EPHA6: variants seen among roughly 807,000 people sequenced by gnomAD.
The protein encoded by EPHA6 is EPH receptor A6, also known as ephrin type-A receptor 6.
EPHA6 carries 50 observed loss-of-function variants against 112.0 expected under a neutral mutation model. The observed-to-expected ratio is 0.45, with a 90% confidence interval of 0.36 to 0.56. The LOEUF (loss-of-function observed/expected upper bound fraction) is 0.56, where lower values mean the gene tolerates loss of function less well. Among genes scored for constraint, EPHA6 ranks in the 20% least tolerant of loss-of-function variants. EPHA6 has a pLI of 0.00. For synonymous variants in EPHA6, 529 were observed against 490.7 expected (o/e 1.08, Z -1.03); for missense variants, 1,280 against 1,417.4 (o/e 0.90, Z 1.56).
intron 14 of EPHA6, among the ~76,000 whole-genome samples, chr3:97,703,311 A>G (rs2033502060): frequency 6.6e-6 from 1 of 152,200 alleles, no homozygotes; most frequent in African/African-American, 2.4e-5. Flanking sequence ...TCCTCAAATG[A>G]AAGGAGCTTT....
chr3:97,187,381 T>A (rs1234376922), intron 3 of EPHA6, among the ~76,000 whole-genome samples: 1 of 151,480 alleles, frequency 6.6e-6, no homozygotes, highest in African/African-American at 2.4e-5. Flanking sequence ...ACCAACCTGG[T>A]CAATAAGGTG....
intron 5 of EPHA6, among the ~76,000 whole-genome samples, chr3:97,349,371 A>C (rs553148932): frequency 9.2e-5 from 14 of 152,160 alleles, no homozygotes; most frequent in African/African-American, 3.4e-4. Flanking sequence ...TGACAATTAC[A>C]ATCACCCATA....
chr3:97,722,556 C>A (rs969043638), intron 15 of EPHA6, among the ~76,000 whole-genome samples: 4 of 152,090 alleles, frequency 2.6e-5, no homozygotes, highest in African/African-American at 9.7e-5. Flanking sequence ...TGTTTACAGT[C>A]CATGTAGCTC....
At chr3:97,574,285 T>G (rs1418270024) in intron 11 of EPHA6, among the ~76,000 whole-genome samples, 1 of 152,070 alleles carries the variant, frequency 6.6e-6, no homozygotes, top group East Asian at 1.9e-4. Flanking sequence ...ATACCATAAG[T>G]GCTGTAATAT....
chr3:97,681,421 G>A (rs1482959518), intron 14 of EPHA6, among the ~76,000 whole-genome samples: 1 of 151,990 alleles, frequency 6.6e-6, no homozygotes, highest in Admixed American at 6.6e-5. Flanking sequence ...ATTGATAGAA[G>A]CATTATTTAT....
intron 11 of EPHA6, among the ~76,000 whole-genome samples, chr3:97,554,105 C>A (rs1463728351): frequency 6.6e-6 from 1 of 152,030 alleles, no homozygotes; most frequent in African/African-American, 2.4e-5. Flanking sequence ...CAATTTAGTT[C>A]TTTTTCAATA....
intron 5 of EPHA6, among the ~76,000 whole-genome samples, chr3:97,315,913 T>A (rs1015635266): frequency 6.6e-6 from 1 of 151,728 alleles, no homozygotes; most frequent in African/African-American, 2.4e-5. Context: ...GTATAGAATT[T>A]CAAAACAAAC....
chr3:97,326,490 C>T (rs895534825), intron 5 of EPHA6, among the ~76,000 whole-genome samples: 2 of 151,970 alleles, frequency 1.3e-5, no homozygotes, highest in Admixed American at 6.6e-5. Context: ...ATAACCTAAG[C>T]AGGAAGAGAA....
chr3:97,412,567 GAT>G (rs1373416082), intron 6 of EPHA6, among the ~76,000 whole-genome samples: 1 of 151,932 alleles, frequency 6.6e-6, no homozygotes. Context: ...TATACAAGGT[GAT>G]AGAAAAAATC....
chr3:97,008,167 G>C (rs2043955291), intron 3 of EPHA6, among the ~76,000 whole-genome samples: 1 of 152,150 alleles, frequency 6.6e-6, no homozygotes. Flanking sequence ...CTAGGTTGAG[G>C]AAGTCCTCCT....
chr3:97,574,156 T>C (rs1460107117), intron 11 of EPHA6, among the ~76,000 whole-genome samples: 1 of 152,178 alleles, frequency 6.6e-6, no homozygotes, highest in Non-Finnish European at 1.5e-5. Flanking sequence ...TAATTTCTTC[T>C]TGGAGAAATC....
intron 2 of EPHA6, among the ~76,000 whole-genome samples, chr3:96,969,867 T>C (rs2042251394): frequency 6.6e-6 from 1 of 152,006 alleles, no homozygotes; most frequent in African/African-American, 2.4e-5. Context: ...TATTGTAATG[T>C]GTACAGGACA....
At chr3:97,671,399 C>T (rs1230832232) in intron 14 of EPHA6, among the ~76,000 whole-genome samples, 1 of 152,094 alleles carries the variant, frequency 6.6e-6, no homozygotes, top group Admixed American at 6.5e-5. Context: ...ATAATCTGTT[C>T]ATAAGGAAGT....
At chr3:96,908,929 A>G (rs114505505) in intron 2 of EPHA6, among the ~76,000 whole-genome samples, 27 of 152,094 alleles carry the variant, frequency 1.8e-4, no homozygotes, top group African/African-American at 6.0e-4. Flanking sequence ...CCAGAAATAC[A>G]GTTTTCAGAG....
chr3:97,146,484 T>C (rs1315625525), intron 3 of EPHA6, among the ~76,000 whole-genome samples: 1 of 151,806 alleles, frequency 6.6e-6, no homozygotes, highest in Non-Finnish European at 1.5e-5. Context: ...TGGGCATCTC[T>C]ACATTATTTC....
intron 14 of EPHA6, among the ~76,000 whole-genome samples, chr3:97,686,323 T>C (rs1432789074): frequency 2.6e-5 from 4 of 152,148 alleles, no homozygotes; most frequent in African/African-American, 9.7e-5. Context: ...CTTCCTTCTC[T>C]CCCTCTTCCC....
At chr3:96,949,966 C>G (rs944426284) in intron 2 of EPHA6, among the ~76,000 whole-genome samples, 12 of 152,262 alleles carry the variant, frequency 7.9e-5, no homozygotes, top group African/African-American at 2.9e-4. Context: ...ACATTCATAG[C>G]TTTGAAGTCT....
rs1330237945 is a variant in EPHA6 at position 97,379,296 on chromosome 3, T to C, written c.1607-25854T>C. 5.9e-5 allele frequency among the ~76,000 whole-genome samples: 9 copies of C among 152,306 alleles called. No homozygotes were observed. In the South Asian group the frequency reaches 1.5e-3, roughly 25 times the overall value. On this transcript the variant is annotated intron_variant, in intron 5 of 17. Transcript: ENST00000389672. Reference sequence around the variant, plus strand: ...CTCTTTTCCTTCCCAGTCTTGTGTATGTATTTATCAGCAGTGTGAAAACAG... The same window carrying C: ...CTCTTTTCCTTCCCAGTCTTGTGTACGTATTTATCAGCAGTGTGAAAACAG...
At chr3:96,880,063 C>T (rs931349487) in intron 2 of EPHA6, among the ~76,000 whole-genome samples, 2 of 151,890 alleles carry the variant, frequency 1.3e-5, no homozygotes, top group Admixed American at 6.6e-5. Context: ...TACAGTTCAT[C>T]CATGTAACCA....
Sources: gnomAD v4.1 joint callset for allele counts (sites outside exome capture counted in the v4.1 genomes callset) on GRCh38, gnomAD v4.1.1 for gene constraint, MANE v1.5 for transcripts, NCBI Gene and HGNC (gene_info 2026-07-23, HGNC 2026-07-21) for gene names.